Variants in CACNA2D3 observed in about 807,000 individuals in gnomAD.
CACNA2D3 encodes the protein calcium voltage-gated channel auxiliary subunit alpha2delta 3.
Under a neutral mutation model 160.6 loss-of-function variants are expected in CACNA2D3, and 60 were observed. The ratio of observed to expected loss-of-function variants is 0.37; its 90% confidence interval spans 0.30 to 0.46. CACNA2D3 has a LOEUF of 0.46. Among genes scored for constraint, CACNA2D3 ranks in the 20% least tolerant of loss-of-function variants. The probability of loss-of-function intolerance (pLI) is 1.00; values close to 1 mark genes in which losing one functional copy is unlikely to be tolerated. For synonymous variants in CACNA2D3, 558 were observed against 492.9 expected, an observed-to-expected ratio of 1.13 and a Z score of -1.75; for missense variants, 1,205 against 1,365.0, an observed-to-expected ratio of 0.88 and a Z score of 1.85.
chr3:54,256,045 C>CA lies in CACNA2D3; in HGVS notation c.205-64391dup, dbSNP rs1702287607. Among the ~76,000 whole-genome samples, 6 of 151,966 alleles carry CA rather than the reference C, an allele frequency of 3.9e-5. No individual in the cohort carries two copies. The South Asian group carries it at 1.2e-3, about 32-fold the overall frequency. ...AGGAAGTCATTGTTAAATTTAGGGA[C>CA]AAAAAATAGGCTTTGTGAGAAATGA... On this transcript the variant is annotated intron_variant, in intron 2 of 37. Coordinates refer to ENST00000474759, the MANE Select transcript of CACNA2D3 (RefSeq NM_018398.3).
intron 2 of CACNA2D3, among the ~76,000 whole-genome samples, chr3:54,277,436 G>A (rs1702773281): frequency 6.6e-6 from 1 of 152,204 alleles, no homozygotes; most frequent in Non-Finnish European, 1.5e-5. Flanking sequence ...TTAGATGGTT[G>A]TAGATGTGTG....
intron 4 of CACNA2D3, among the ~76,000 whole-genome samples, chr3:54,492,962 T>G (rs1701134687): frequency 6.6e-6 from 1 of 152,134 alleles, no homozygotes; most frequent in South Asian, 2.1e-4. Context: ...ATGTCATTTT[T>G]GTAGTTTGTT....
intron 5 of CACNA2D3, among the ~76,000 whole-genome samples, chr3:54,522,436 G>C (rs111823148): frequency 2.7e-3 from 408 of 152,134 alleles, no homozygotes; most frequent in African/African-American, 9.4e-3. Flanking sequence ...GGGTTTCTTA[G>C]GAATTTCTAT....
At chr3:54,569,900 T>C (rs1702466664) in intron 7 of CACNA2D3, 45 bp downstream of exon 7, 2 of 1,613,058 alleles carry the variant, frequency 1.2e-6, no homozygotes, top group African/African-American at 2.7e-5. Context: ...AAGAGATATC[T>C]TGAAGAGAAG....
chr3:54,903,945 T>C (rs1021872595), intron 27 of CACNA2D3, among the ~76,000 whole-genome samples: 3 of 152,252 alleles, frequency 2.0e-5, no homozygotes, highest in African/African-American at 7.2e-5. Flanking sequence ...TCCTTATAGA[T>C]ACTGGACATT....
rs531483244 is a variant in CACNA2D3 at position 54,618,587 on chromosome 3, C to T, written c.964-9200C>T. 7.7e-4 allele frequency among the ~76,000 whole-genome samples: 117 copies of T among 152,216 alleles called. 3 individuals are homozygous for T. The highest frequency in any genetic ancestry group is 2.4e-4 in the Non-Finnish European group (16 of 68,012). On this transcript the variant is annotated intron_variant, in intron 9 of 37. Transcript: ENST00000474759. ...GCTACAAATCTTCCAAGTGTTCATACAGAAAAAGTCCAAATTTAGGTGTCC... is the reference window on the plus strand; with the variant it reads ...GCTACAAATCTTCCAAGTGTTCATATAGAAAAAGTCCAAATTTAGGTGTCC...
chr3:55,005,343 A>G (rs1703071976), intron 32 of CACNA2D3, among the ~76,000 whole-genome samples: 1 of 152,208 alleles, frequency 6.6e-6, no homozygotes, highest in Admixed American at 6.5e-5. Flanking sequence ...ACTGAAATCC[A>G]GTAATTATAT....
chr3:54,605,410 C>G (rs147901989), intron 9 of CACNA2D3, among the ~76,000 whole-genome samples: 1 of 152,130 alleles, frequency 6.6e-6, no homozygotes, highest in African/African-American at 2.4e-5. Context: ...CACCTTCTAA[C>G]CCCATCCATT....
At chr3:54,530,348 G>T (rs1313839394) in intron 5 of CACNA2D3, among the ~76,000 whole-genome samples, 1 of 152,178 alleles carries the variant, frequency 6.6e-6, no homozygotes, top group Non-Finnish European at 1.5e-5. Context: ...TGCAAGATTT[G>T]ATGAGCCCCG....
chr3:54,236,394 C>T (rs918462303), intron 2 of CACNA2D3, among the ~76,000 whole-genome samples: 7 of 152,104 alleles, frequency 4.6e-5, no homozygotes, highest in East Asian at 1.9e-4. Flanking sequence ...GGAAACTGGG[C>T]GTGCGACATA....
chr3:54,930,251 A>G (rs1004048830), intron 27 of CACNA2D3, among the ~76,000 whole-genome samples: 1 of 151,720 alleles, frequency 6.6e-6, no homozygotes, highest in Non-Finnish European at 1.5e-5. Context: ...CCCACCCTCA[A>G]CTCCCACCAC....
intron 27 of CACNA2D3, among the ~76,000 whole-genome samples, chr3:54,940,499 A>G (rs984476072): frequency 6.6e-6 from 1 of 152,140 alleles, no homozygotes; most frequent in African/African-American, 2.4e-5. Flanking sequence ...GCTTCGGGCC[A>G]TGTGTTTTAT....
intron 27 of CACNA2D3, among the ~76,000 whole-genome samples, chr3:54,934,906 AT>A (rs1701291450): frequency 6.6e-6 from 1 of 151,882 alleles, no homozygotes; most frequent in Admixed American, 6.6e-5. Context: ...TAATTTCTGT[AT>A]TTATTTTCTA....
At chr3:54,891,512 A>T (rs1700068623) in intron 25 of CACNA2D3, 62 bp downstream of exon 25, 2 of 1,256,350 alleles carry the variant, frequency 1.6e-6, no homozygotes, top group Middle Eastern at 1.9e-4. Flanking sequence ...ATTCAAAGGG[A>T]AGCTTATTTC....
rs139334917 is a variant in CACNA2D3, at chr3:54,611,418, C to T, written c.964-16369C>T. Among the ~76,000 whole-genome samples the T allele has an allele frequency of 4.4e-3, 672 of 152,324 alleles. 8 individuals carry two copies. Among genetic ancestry groups the T allele is most frequent in the African/African-American group, 0.015 (644 of 41,560 alleles). Reference sequence around the variant, plus strand: ...TATGTCCCACTTCCAAAGACTCAGACTGTGAATGACTTCTCTCCACAGATA... The same window carrying T: ...TATGTCCCACTTCCAAAGACTCAGATTGTGAATGACTTCTCTCCACAGATA... On this transcript the variant is annotated intron_variant, in intron 9 of 37. Transcript: ENST00000474759.
At chr3:54,128,602 C>T (rs894067600) in intron 2 of CACNA2D3, among the ~76,000 whole-genome samples, 2 of 152,270 alleles carry the variant, frequency 1.3e-5, no homozygotes, top group East Asian at 1.9e-4. Context: ...TGCCAACAAA[C>T]GGGCTTTTTC....
intron 2 of CACNA2D3, among the ~76,000 whole-genome samples, chr3:54,247,785 T>C (rs1559895052): frequency 6.6e-6 from 1 of 152,170 alleles, no homozygotes. Context: ...AAATTCCATA[T>C]TGGGATGTCA....
At chr3:54,877,639 G>C (rs1699693804) in intron 18 of CACNA2D3, among the ~76,000 whole-genome samples, 1 of 152,110 alleles carries the variant, frequency 6.6e-6, no homozygotes, top group African/African-American at 2.4e-5. Flanking sequence ...ACCTGTTTTT[G>C]TTATGATTTA....
At chr3:54,978,966 C>G (rs777031425) in intron 29 of CACNA2D3, among the ~76,000 whole-genome samples, 2 of 152,230 alleles carry the variant, frequency 1.3e-5, no homozygotes, top group Non-Finnish European at 2.9e-5. Flanking sequence ...CTTTATTATA[C>G]TTGGCCTGAT....
Sources: allele counts gnomAD v4.1 joint callset (sites outside exome capture counted in the v4.1 genomes callset), GRCh38; gene constraint gnomAD v4.1.1; transcripts MANE v1.5; gene names NCBI Gene and HGNC (gene_info 2026-07-23, HGNC 2026-07-21).